TTN: variants seen among roughly 807,000 people sequenced by gnomAD.
The protein encoded by TTN is titin.
In TTN, 1,525 loss-of-function variants were observed where a neutral mutation model predicts 3,223.0. The observed-to-expected ratio is 0.47, with a 90% CI of 0.45 to 0.49. The LOEUF is 0.49. Ranked by LOEUF, TTN falls within the 20% of genes least tolerant of loss-of-function variation. The pLI is 0.00. For synonymous variants in TTN, 14,094 were observed against 15,161.0 expected (o/e 0.93, Z 5.17); for missense variants, 40,786 against 43,424.0 (o/e 0.94, Z 5.40).
Position 178,620,243 on chromosome 2 carries a change from A to G in TTN, c.46278T>C (p.Asn15426=). Residue 15426 remains asparagine (N), a synonymous_variant, in exon 248 of 363, where the codon AAT becomes AAC. Coordinates refer to ENST00000589042, the MANE Select transcript of TTN (RefSeq NM_001267550.2). ...REKANVKWYR[N]GREIKEGKKY... ...TTTTGCCTTCTTTGATTTCTCTCCC[A>G]TTTCTGTACCATTTTACATTGGCTT... 6.5e-7 allele frequency: 1 copy of G among 1,537,360 alleles called. No individual in the cohort carries two copies. The highest frequency in any genetic ancestry group is 8.7e-7 in the Non-Finnish European group (1 of 1,146,432).
At position 178,738,265 on chromosome 2, in the gene TTN, G is replaced by A. The variant is rs749719834; in HGVS notation, c.14188C>T (p.Arg4730Trp). ...TCEIQSAPNV[R>W]FQWFKAGREI... ...CGGCCAGCTTTAAACCACTGGAACC[G>A]GACATTGGGAGCACTTTGGATCTCA... The change falls in exon 49 of 363, where the codon CGG becomes TGG. Residue 4730 changes from arginine to tryptophan, a missense_variant. Coordinates refer to ENST00000589042, the MANE Select transcript of TTN (RefSeq NM_001267550.2). 8.7e-6 allele frequency: 14 copies of A among 1,613,432 alleles called. No individual in the cohort carries two copies. The highest frequency in any genetic ancestry group is 4.0e-5 in the African/African-American group (3 of 74,908).
chr2:178,789,186 A>AT lies in TTN; in HGVS notation c.2076+173dup, dbSNP rs571175719. 2.5e-3 allele frequency among the ~76,000 whole-genome samples: 373 copies of AT among 152,222 alleles called. 3 individuals carry two copies. Among genetic ancestry groups the AT allele is most frequent in the African/African-American group, 8.5e-3 (354 of 41,574 alleles). ...TATGTAGTAATATTAACAATAATAA[A>AT]TTTTTTTAGTTTCCAATTATTTAAT... On this transcript the variant is annotated intron_variant, in intron 13 of 362. Transcript: ENST00000589042.
Position 178,731,434 on chromosome 2 carries a change from T to C in TTN, c.17332A>G (p.Met5778Val). ...DEITEDDNIR[M>V]TFENNVASLY... Reference sequence around the variant, plus strand: ...CTGGCCACATTGTTCTCAAAGGTCATTCTTATATTATCGTCTTCAGTGATT... The same window carrying C: ...CTGGCCACATTGTTCTCAAAGGTCACTCTTATATTATCGTCTTCAGTGATT... Residue 5778 changes from methionine to valine, a missense_variant, in exon 59 of 363, where the codon ATG becomes GTG. Met to Val is a conservative substitution (Grantham distance 21). Coordinates refer to ENST00000589042, the MANE Select transcript of TTN (RefSeq NM_001267550.2). 1.9e-6 allele frequency: 3 copies of C among 1,613,786 alleles called. No individual in the cohort carries two copies. Among genetic ancestry groups the C allele is most frequent in the Non-Finnish European group, 2.5e-6 (3 of 1,179,782 alleles).
rs1467149853 is a variant in TTN, at chr2:178,535,186, G to C, written c.101429C>G (p.Ser33810Cys). ...REVSMTKASH[S>C]STKELYEKYM... The stretch of plus-strand genomic sequence containing the variant: ...TTTCTCATAGAGTTCCTTGGTTGAA[G>C]AGTGAGATGCTTTAGTCATGGAGAC... The change falls in exon 358 of 363, where the codon TCT becomes TGT. Residue 33810 changes from serine (S) to cysteine (C), a missense_variant. Transcript: ENST00000589042. 2 of 1,613,812 alleles carry C rather than the reference G, an allele frequency of 1.2e-6. No homozygotes were observed. The highest frequency in any genetic ancestry group is 1.7e-6 in the Non-Finnish European group (2 of 1,179,848).
intron 47 of TTN, chr2:178,747,301 C>T (rs1273750802): frequency 6.2e-7 from 1 of 1,613,236 alleles, no homozygotes; most frequent in Non-Finnish European, 8.5e-7. Flanking sequence ...CAGCAACTTC[C>T]CCTAAAGGTG....
rs928913814 is a variant in TTN at position 178,581,518 on chromosome 2, G to C, written c.66750C>G (p.His22250Gln). 5.0e-6 allele frequency: 8 copies of C among 1,602,906 alleles called. No homozygotes were observed. Among genetic ancestry groups the C allele is most frequent in the African/African-American group, 1.3e-5 (1 of 74,730 alleles). Residue 22250 changes from histidine to glutamine, a missense_variant, in exon 316 of 363, where the codon CAC becomes CAG. His to Gln is a conservative substitution (Grantham distance 24). Coordinates refer to ENST00000589042, the MANE Select transcript of TTN (RefSeq NM_001267550.2). ...ACTTACTTAAGATGTCCTTGGGATA[G>C]TGTTTATCTGGCACATCACTGGGGT... ...YSDPSDVPDK[H>Q]YPKDILIPPE...
Position 178,585,135 on chromosome 2 carries a change from A to G in TTN, c.64609T>C (p.Tyr21537His). 6.2e-7 allele frequency: 1 copy of G among 1,613,316 alleles called. No individual in the cohort carries two copies. The highest frequency in any genetic ancestry group is 2.2e-5 in the East Asian group (1 of 44,832). The stretch of plus-strand genomic sequence containing the variant: ...GAACTGTTCTCTGCTGTGAGGCTGT[A>G]GTAACCACTGTCTTTCCTAGTCACA... ...KDVTRKDSGYYSLTAENSSGT... is the reference protein window; with the variant it reads ...KDVTRKDSGYHSLTAENSSGT... The change falls in exon 309 of 363, where the codon TAC (tyrosine) becomes CAC (histidine). Residue 21537 changes from tyrosine to histidine, a missense_variant. Physicochemically the swap from Tyr to His is moderately conservative, Grantham distance 83. Transcript: ENST00000589042.
Position 178,539,155 on chromosome 2 carries a change from G to C in TTN, c.98780C>G (p.Ser32927Cys), listed in dbSNP as rs1559083914. 2 of 1,613,754 alleles carry C rather than the reference G, an allele frequency of 1.2e-6. No homozygotes were observed. The highest frequency in any genetic ancestry group is 2.2e-5 in the South Asian group (2 of 91,078). ...TTCGATGTAGTAGCCTGTGACTCTA[G>C]AACCACCATCATCTTTGGGCCGGGA... ...SWSRPKDDGG[S>C]RVTGYYIERK... is the part of the protein sequence containing the mutation. The change falls in exon 353 of 363, where the codon TCT (serine) becomes TGT (cysteine). Residue 32927 changes from serine (S) to cysteine (C), a missense_variant. By Grantham distance (112) the Ser-to-Cys change is moderately radical (BLOSUM62 -1). Transcript: ENST00000589042.
intron 49 of TTN, among the ~76,000 whole-genome samples, chr2:178,736,284 T>C (rs1449524858): frequency 6.6e-6 from 1 of 152,204 alleles, no homozygotes; most frequent in Non-Finnish European, 1.5e-5. Flanking sequence ...TCACTTTACT[T>C]GTCTCTATCA....
At chr2:178,716,084 G>A (rs766745076) in intron 88 of TTN, among the ~76,000 whole-genome samples, 32 of 152,142 alleles carry the variant, frequency 2.1e-4, no homozygotes, top group Non-Finnish European at 3.7e-4. Flanking sequence ...ATAATAGCAT[G>A]TATCTGTCAG....
chr2:178,586,716 A>C lies in TTN; in HGVS notation c.64185T>G (p.Gly21395=), dbSNP rs1041490202. 1.9e-6 allele frequency: 3 copies of C among 1,612,890 alleles called. No homozygotes were observed. The African/African-American group carries it at 4.0e-5, about 22-fold the overall frequency. The change falls in exon 308 of 363, where the codon GGT becomes GGG. Residue 21395 remains glycine (G), a synonymous_variant. Coordinates refer to ENST00000589042, the MANE Select transcript of TTN (RefSeq NM_001267550.2). ...LAWLPPLRDG[G]AKIDGYITSY... is the part of the protein sequence containing the mutation. ...TAGTGATGTAGCCATCGATTTTAGC[A>C]CCTCCATCACGTAGGGGAGGTAACC...
Position 178,625,330 on chromosome 2 carries a change from CAGCAT to C in TTN, c.44486_44490del (p.Asp14829GlyfsTer24). On this transcript the variant is annotated frameshift_variant, in exon 241 of 363. Coordinates refer to ENST00000589042, the MANE Select transcript of TTN (RefSeq NM_001267550.2). LOFTEE classifies it high-confidence loss of function. The stretch of plus-strand genomic sequence containing the variant: ...TCTTTTGCTGTTAGTTGGACTTCCC[CAGCAT>C]CTTCTAACTTTACATCCCTCAGAGT... 6.2e-7 allele frequency: 1 copy of C among 1,604,532 alleles called. No homozygotes were observed. Among genetic ancestry groups the C allele is most frequent in the East Asian group, 2.3e-5 (1 of 44,166 alleles).
intron 163 of TTN, 21 bp downstream of exon 163, chr2:178,666,803 T>G: frequency 6.5e-7 from 1 of 1,533,134 alleles, no homozygotes; most frequent in South Asian, 1.2e-5. Context: ...ATTAAAAAGG[T>G]GACTTTCTTC....
Position 178,601,818 on chromosome 2 carries a change from A to C in TTN, c.55303-31T>G. The stretch of plus-strand genomic sequence containing the variant: ...CAAAGAAAATAGTAGTCATACATTG[A>C]ATGAAATCATAGCAATATTGAAGTC... On this transcript the variant is annotated intron_variant, in intron 285 of 362. Transcript: ENST00000589042. 2.5e-6 allele frequency: 4 copies of C among 1,604,062 alleles called. No homozygotes were observed. In the South Asian group the frequency reaches 4.5e-5, roughly 18 times the overall value.
chr2:178,702,301 T>G lies in TTN; in HGVS notation c.30434-56A>C, dbSNP rs1349767476. Reference sequence around the variant, plus strand: ...TCTGATATGTTGCAAATAACACTTCTTTACTTCAATATACGTATGTGTTTA... The same window carrying G: ...TCTGATATGTTGCAAATAACACTTCGTTACTTCAATATACGTATGTGTTTA... On this transcript the variant is annotated intron_variant, in intron 107 of 362. Coordinates refer to ENST00000589042, the MANE Select transcript of TTN (RefSeq NM_001267550.2). 3.7e-6 allele frequency: 6 copies of G among 1,609,866 alleles called. No individual in the cohort carries two copies. The Admixed American group carries it at 6.7e-5, about 18-fold the overall frequency.
intron 168 of TTN, 90 bp from the exon 169 acceptor site, chr2:178,664,188 T>G: frequency 7.6e-7 from 1 of 1,310,816 alleles, no homozygotes; most frequent in Non-Finnish European, 1.1e-6. Flanking sequence ...GAGCTATTTT[T>G]TTCTCCTGAG....
In TTN at chr2:178,548,498, T is replaced by C. The variant is rs1455870717; in HGVS notation, c.93128A>G (p.Asp31043Gly). 6.2e-7 allele frequency: 1 copy of C among 1,613,842 alleles called. No individual in the cohort carries two copies. Among genetic ancestry groups the C allele is most frequent in the East Asian group, 2.2e-5 (1 of 44,868 alleles). Reference protein sequence around the residue: ...ATLMWDAPLLDGGARIHHYVV... With the variant: ...ATLMWDAPLLGGGARIHHYVV... ...ATAATGATGGATTCGGGCACCACCG[T>C]CAAGAAGAGGGGCATCCCACATCAA... is the stretch of plus-strand genomic sequence containing the variant. The change falls in exon 339 of 363, where the codon GAC (aspartate) becomes GGC (glycine). Residue 31043 changes from aspartate (D) to glycine (G), a missense_variant. Physicochemically the swap from Asp to Gly is moderately conservative, Grantham distance 94 (BLOSUM62 -1). Transcript: ENST00000589042. This position sits in a 1 kb window ranked among gnomAD's most constrained non-coding sequence, Gnocchi z 4.3.
chr2:178,564,238 G>A lies in TTN; in HGVS notation c.81894C>T (p.Asp27298=). 5 of 1,613,314 alleles carry A rather than the reference G, an allele frequency of 3.1e-6. No homozygotes were observed. The highest frequency in any genetic ancestry group is 4.2e-6 in the Non-Finnish European group (5 of 1,179,778). The change falls in exon 326 of 363, where the codon GAC becomes GAT. Residue 27298 remains aspartate (D), a synonymous_variant. Coordinates refer to ENST00000589042, the MANE Select transcript of TTN (RefSeq NM_001267550.2). Reference sequence around the variant, plus strand: ...CATCAGGTATAGGTTTGCCACGGATGTCGGCTTCAAGAACAAAAGTCTCTC... The same window carrying A: ...CATCAGGTATAGGTTTGCCACGGATATCGGCTTCAAGAACAAAAGTCTCTC... ...HAGETFVLEA[D]IRGKPIPDVV...
intron 41 of TTN, 107 bp downstream of exon 41, chr2:178,766,274 C>A (rs946734796): frequency 3.3e-6 from 3 of 904,230 alleles, no homozygotes; most frequent in Non-Finnish European, 3.7e-6. Context: ...ACATGAATAC[C>A]ATAGGTTCTT....
Sources: gnomAD v4.1 joint callset for allele counts (sites outside exome capture counted in the v4.1 genomes callset) on GRCh38, gnomAD v4.1.1 for gene constraint, Gnocchi (gnomAD v3.1) non-coding constraint, MANE v1.5 for transcripts, NCBI Gene and HGNC (gene_info 2026-07-23, HGNC 2026-07-21) for gene names.